Variants in AFF3 observed in about 807,000 individuals in gnomAD.
AFF3 encodes ALF transcription elongation factor 3, also known as AF4/FMR2 family member 3.
Under a neutral mutation model 129.7 loss-of-function variants are expected in AFF3, and 32 were observed. The observed-to-expected ratio is 0.25, with a 90% CI of 0.19 to 0.33. AFF3 has a LOEUF of 0.33. Ranked by LOEUF, AFF3 falls within the 10% of genes least tolerant of loss-of-function variation. The pLI is 1.00. For missense variants in AFF3, 1,373 were observed against 1,592.0 expected (o/e 0.86, Z 2.34); for synonymous variants, 644 against 635.4 (o/e 1.01, Z -0.20).
At chr2:99,987,891 T>C (rs779777729) in intron 7 of AFF3, among the ~76,000 whole-genome samples, 1 of 152,246 alleles carries the variant, frequency 6.6e-6, no homozygotes, top group Non-Finnish European at 1.5e-5. Context: ...GAACCTGTTA[T>C]GAAAAAGAAC....
chr2:100,106,255 A>T lies in AFF3; in HGVS notation c.-144-672T>A, dbSNP rs1414448353. On this transcript the variant is annotated intron_variant, in intron 2 of 24. Coordinates refer to ENST00000672756, the MANE Select transcript of AFF3 (RefSeq NM_001386135.1). ...ACAGAGTTGGCATCAACATAGTCTGAGAAAATGAAATTGTTATTTTACAAG... is the reference window on the plus strand; with the variant it reads ...ACAGAGTTGGCATCAACATAGTCTGTGAAAATGAAATTGTTATTTTACAAG... 3 of 1,176,396 alleles carry T rather than the reference A, an allele frequency of 2.6e-6. No individual in the cohort carries two copies. The African/African-American group carries it at 4.8e-5, about 19-fold the overall frequency. The allele number at this position is 1,176,396 out of a possible 1,614,324, so 72.9% of individuals were successfully genotyped here.
chr2:100,060,050 C>T (rs944103829), intron 4 of AFF3, among the ~76,000 whole-genome samples: 1 of 152,196 alleles, frequency 6.6e-6, no homozygotes, highest in Non-Finnish European at 1.5e-5. Flanking sequence ...GGGTCCCACA[C>T]ACACACGTGA....
chr2:99,724,297 C>T (rs1426498534), intron 11 of AFF3, among the ~76,000 whole-genome samples: 1 of 8,890 alleles, frequency 1.1e-4, no homozygotes, highest in East Asian at 9.4e-3. Flanking sequence ...TTTTGAGACA[C>T]AGTCTCATGC....
chr2:99,954,073 T>C (rs116505070), intron 7 of AFF3, among the ~76,000 whole-genome samples: 1,569 of 152,344 alleles, frequency 0.01, 26 homozygotes, highest in African/African-American at 0.036. Flanking sequence ...TTTTTGTCTA[T>C]GTGTGAATGG....
intron 4 of AFF3, among the ~76,000 whole-genome samples, chr2:100,044,122 G>A (rs964538121): frequency 2.0e-5 from 3 of 152,168 alleles, no homozygotes; most frequent in Non-Finnish European, 1.5e-5. Context: ...GAGTGATGAG[G>A]GTGGTGTGCG....
At chr2:99,878,514 A>G (rs1342368115) in intron 7 of AFF3, among the ~76,000 whole-genome samples, 1 of 152,342 alleles carries the variant, frequency 6.6e-6, no homozygotes, top group East Asian at 1.9e-4. Context: ...CTTTATAACA[A>G]GTAGATTTTA....
In AFF3 at chr2:99,927,743, A is replaced by G. The variant is rs1166358546; in HGVS notation, c.873+78889T>C. Among the ~76,000 whole-genome samples the G allele has an allele frequency of 7.9e-5, 12 of 152,344 alleles. No homozygotes were observed. In the East Asian group the frequency reaches 1.3e-3, roughly 17 times the overall value. On this transcript the variant is annotated intron_variant, in intron 7 of 24. Transcript: ENST00000672756. ...CCTGAACTTAAAATAAAAGTTAAAA[A>G]AAATTTTTTTAAATACTAAGTGTCC...
intron 11 of AFF3, among the ~76,000 whole-genome samples, chr2:99,724,407 G>C (rs1445467075): frequency 4.0e-5 from 6 of 150,876 alleles, no homozygotes; most frequent in African/African-American, 1.5e-4. Flanking sequence ...CCAGTAGCTG[G>C]GATTACAGGC....
chr2:100,098,845 C>T lies in AFF3; in HGVS notation c.53+5557G>A, dbSNP rs577067561. On this transcript the variant is annotated intron_variant, in intron 4 of 24. Transcript: ENST00000672756. ...AGCTTTCTCCAAAACACACCCCACA[C>T]GAGGGCTGAGCTCCTCCACAGCGGA... Among the ~76,000 whole-genome samples, 12 of 109,312 alleles carry T rather than the reference C, an allele frequency of 1.1e-4. No homozygotes were observed. In the East Asian group the frequency reaches 2.5e-3, roughly 23 times the overall value. The allele number at this position is 109,312 out of a possible 152,430, so 71.7% of individuals were successfully genotyped here.
At chr2:99,596,934 C>A (rs1037972027) in intron 14 of AFF3, among the ~76,000 whole-genome samples, 1 of 152,178 alleles carries the variant, frequency 6.6e-6, no homozygotes, top group Non-Finnish European at 1.5e-5. Context: ...TATTGCCTCT[C>A]AAACAAAATC....
At chr2:99,641,446 G>A (rs1215804247) in intron 13 of AFF3, among the ~76,000 whole-genome samples, 1 of 152,158 alleles carries the variant, frequency 6.6e-6, no homozygotes, top group East Asian at 1.9e-4. Context: ...GGGAGGCTGG[G>A]GTGGGTGGAT....
chr2:99,690,101 C>T (rs538093369), intron 11 of AFF3, among the ~76,000 whole-genome samples: 4 of 147,952 alleles, frequency 2.7e-5, no homozygotes, highest in Non-Finnish European at 4.5e-5. Flanking sequence ...AACAAACAAA[C>T]CCCCCCACCC....
At chr2:99,552,690 T>A (rs1377501303) in intron 24 of AFF3, among the ~76,000 whole-genome samples, 1 of 151,606 alleles carries the variant, frequency 6.6e-6, no homozygotes, top group Non-Finnish European at 1.5e-5. Context: ...GATCCAGGGG[T>A]AGAACAGAGG....
intron 8 of AFF3, among the ~76,000 whole-genome samples, chr2:99,762,588 A>G (rs1477603587): frequency 6.6e-6 from 1 of 152,194 alleles, no homozygotes; most frequent in Non-Finnish European, 1.5e-5. Context: ...GCCTAGCACA[A>G]TGGTCAGAAT....
chr2:99,546,718 A>G lies in AFF3; in HGVS notation c.*4756T>C, dbSNP rs1222069938. The G allele has an allele frequency of 1.8e-5, 4 of 225,526 alleles. No homozygotes were observed. Among genetic ancestry groups the G allele is most frequent in the African/African-American group, 8.9e-5 (4 of 44,912 alleles). The allele number at this position is 225,526 out of a possible 1,614,324, so 14.0% of individuals were successfully genotyped here. On this transcript the variant is annotated 3_prime_UTR_variant, in exon 25 of 25. Coordinates refer to ENST00000672756, the MANE Select transcript of AFF3 (RefSeq NM_001386135.1). Reference sequence around the variant, plus strand: ...CCTCCGTCTTCTTTAGTTCAAAATTATCTTATTTTACTCAACCAAATATTG... The same window carrying G: ...CCTCCGTCTTCTTTAGTTCAAAATTGTCTTATTTTACTCAACCAAATATTG...
intron 7 of AFF3, among the ~76,000 whole-genome samples, chr2:99,903,912 C>T (rs1283322355): frequency 6.6e-6 from 1 of 152,138 alleles, no homozygotes; most frequent in Non-Finnish European, 1.5e-5. Flanking sequence ...AAGACATTCC[C>T]AGTAGACAGC....
intron 7 of AFF3, among the ~76,000 whole-genome samples, chr2:99,979,813 A>T (rs975537752): frequency 6.6e-6 from 1 of 152,132 alleles, no homozygotes; most frequent in African/African-American, 2.4e-5. Context: ...ATTTTTAAAA[A>T]ATCATTCCCT....
intron 8 of AFF3, among the ~76,000 whole-genome samples, chr2:99,818,471 T>C (rs1362879539): frequency 1.3e-5 from 2 of 152,190 alleles, no homozygotes. Context: ...CCCTCCTGTG[T>C]CTTTGTTTAA....
Position 100,118,619 on chromosome 2 carries a change from A to T in AFF3, c.-145+10605T>A, listed in dbSNP as rs574719401. Among the ~76,000 whole-genome samples the T allele has an allele frequency of 2.5e-4, 38 of 152,090 alleles. 3 individuals are homozygous for T. In the South Asian group the frequency reaches 7.5e-3, roughly 30 times the overall value. On this transcript the variant is annotated intron_variant, in intron 2 of 24. Transcript: ENST00000672756. ...TTTTAGATTGAAAATGGTTATAATG[A>T]TGGGATTTTTTTTTTCTGGTCGTTG...
Sources: gnomAD v4.1 joint callset for allele counts (sites outside exome capture counted in the v4.1 genomes callset) on GRCh38, gnomAD v4.1.1 for gene constraint, MANE v1.5 for transcripts, NCBI Gene and HGNC (gene_info 2026-07-23, HGNC 2026-07-21) for gene names.